CDS1: variants seen among roughly 807,000 people sequenced by gnomAD.
The protein encoded by CDS1 is CDP-diacylglycerol synthase 1, also known as phosphatidate cytidylyltransferase 1.
CDS1 carries 41 observed loss-of-function variants against 62.1 expected under a neutral mutation model. The ratio of observed to expected loss-of-function variants is 0.66; its 90% CI spans 0.51 to 0.86. The LOEUF (loss-of-function observed/expected upper bound fraction) is 0.86, where lower values mean the gene tolerates loss of function less well. Among genes scored for constraint, CDS1 ranks in the 40% least tolerant of loss-of-function variants. The pLI, the probability that CDS1 is intolerant of heterozygous loss-of-function variation, is 0.00. For synonymous variants in CDS1, 185 were observed against 192.6 expected (o/e 0.96, Z 0.32); for missense variants, 470 against 550.1 (o/e 0.85, Z 1.46).
At chr4:84,638,039 AT>A (rs1034981701) in intron 8 of CDS1, among the ~76,000 whole-genome samples, 1 of 152,196 alleles carries the variant, frequency 6.6e-6, no homozygotes, top group Admixed American at 6.5e-5. Context: ...CCCATAACCC[AT>A]TTTAATACTT....
intron 3 of CDS1, among the ~76,000 whole-genome samples, chr4:84,613,935 T>A (rs1723410719): frequency 6.6e-6 from 1 of 152,334 alleles, no homozygotes; most frequent in African/African-American, 2.4e-5. Flanking sequence ...GTGATCAAAT[T>A]ACTTTGGAAA....
chr4:84,635,173 G>A, intron 7 of CDS1, 91 bp from the exon 8 acceptor site: 2 of 664,340 alleles, frequency 3.0e-6, no homozygotes, highest in Non-Finnish European at 5.2e-6. Context: ...TTATTCTGAT[G>A]GTTCATTATG....
At chr4:84,640,278 G>A (rs1175418758) in intron 9 of CDS1, among the ~76,000 whole-genome samples, 2 of 151,398 alleles carry the variant, frequency 1.3e-5, no homozygotes, top group South Asian at 2.1e-4. Flanking sequence ...ATAATAGGGT[G>A]AATGGCTGCA....
intron 6 of CDS1, among the ~76,000 whole-genome samples, chr4:84,633,628 A>G (rs1329542696): frequency 5.3e-5 from 8 of 152,172 alleles, no homozygotes; most frequent in East Asian, 1.9e-4. Context: ...TTAGAATTCT[A>G]TTTATATATA....
chr4:84,619,044 T>TACACACACACACACACAC (rs33991933), intron 4 of CDS1, among the ~76,000 whole-genome samples: 30 of 140,992 alleles, frequency 2.1e-4, no homozygotes, highest in Admixed American at 4.3e-4. Context: ...ATTAAATTTA[T>TACACACACACACACACAC]ACACACACAC....
chr4:84,584,502 A>G (rs891015133), intron 1 of CDS1, among the ~76,000 whole-genome samples: 2 of 152,228 alleles, frequency 1.3e-5, no homozygotes, highest in Admixed American at 6.5e-5. Context: ...CCCAAGGTCA[A>G]GTTCGTGGCT....
chr4:84,601,912 CAAAT>C (rs559097678), intron 1 of CDS1, among the ~76,000 whole-genome samples: 234 of 148,692 alleles, frequency 1.6e-3, no homozygotes, highest in African/African-American at 5.6e-3. Flanking sequence ...GACTCCATCT[CAAAT>C]AAATAAATAC....
At chr4:84,628,895 G>T (rs1723935341) in intron 5 of CDS1, among the ~76,000 whole-genome samples, 1 of 152,016 alleles carries the variant, frequency 6.6e-6, no homozygotes, top group Non-Finnish European at 1.5e-5. Context: ...TCTGCTTAAT[G>T]ACTGGAGAAC....
At chr4:84,621,248 C>G (rs902918723) in intron 5 of CDS1, among the ~76,000 whole-genome samples, 6 of 152,140 alleles carry the variant, frequency 3.9e-5, no homozygotes, top group African/African-American at 1.4e-4. Flanking sequence ...ATTGTTTTAG[C>G]TCCTAGGAGT....
intron 10 of CDS1, among the ~76,000 whole-genome samples, chr4:84,642,479 CCTTTATGATTGTCTCCCCAAAT>C (rs1222565251): frequency 6.6e-6 from 1 of 152,148 alleles, no homozygotes; most frequent in African/African-American, 2.4e-5. Context: ...TTCTTCTCAG[CCTTTATGATTGTCTCCCCAAAT>C]CTTTAGTGAT....
At chr4:84,602,235 C>T (rs1484312067) in intron 1 of CDS1, among the ~76,000 whole-genome samples, 1 of 152,054 alleles carries the variant, frequency 6.6e-6, no homozygotes, top group African/African-American at 2.4e-5. Flanking sequence ...ACTCCTGGTG[C>T]AATTTAAGTT....
chr4:84,589,815 T>G (rs1020536935), intron 1 of CDS1, among the ~76,000 whole-genome samples: 24 of 150,854 alleles, frequency 1.6e-4, no homozygotes, highest in East Asian at 5.9e-4. Flanking sequence ...GTCTTTTTTG[T>G]TTTGTTTTGT....
intron 12 of CDS1, 134 bp from the exon 13 acceptor site, chr4:84,648,423 T>G (rs771099103): frequency 3.2e-5 from 24 of 751,870 alleles, no homozygotes; most frequent in Non-Finnish European, 5.1e-5. Context: ...TGAGCTATTA[T>G]CAAGAGCTAT....
chr4:84,608,980 C>T (rs935968318), intron 2 of CDS1, among the ~76,000 whole-genome samples: 3 of 151,750 alleles, frequency 2.0e-5, no homozygotes, highest in Non-Finnish European at 4.4e-5. Flanking sequence ...AGATCGAGAC[C>T]ATCTTGGCTA....
At chr4:84,628,084 C>T (rs533366740) in intron 5 of CDS1, among the ~76,000 whole-genome samples, 20 of 152,130 alleles carry the variant, frequency 1.3e-4, no homozygotes, top group African/African-American at 4.8e-4. Context: ...GCACACAATG[C>T]AGTGTGATTT....
At chr4:84,624,405 G>A (rs1280895498) in intron 5 of CDS1, among the ~76,000 whole-genome samples, 2 of 150,866 alleles carry the variant, frequency 1.3e-5, no homozygotes, top group Admixed American at 1.3e-4. Flanking sequence ...CCTTACTTAC[G>A]ATATCTGGAG....
intron 5 of CDS1, among the ~76,000 whole-genome samples, chr4:84,622,251 G>GAACCC (rs1173392673): frequency 6.6e-6 from 1 of 152,058 alleles, no homozygotes; most frequent in Non-Finnish European, 1.5e-5. Flanking sequence ...TTCTGTTATT[G>GAACCC]AACCCAACAC....
At chr4:84,632,548 A>C (rs566605559) in intron 6 of CDS1, among the ~76,000 whole-genome samples, 25 of 152,190 alleles carry the variant, frequency 1.6e-4, no homozygotes, top group Non-Finnish European at 2.5e-4. Flanking sequence ...ATTCTGCTGA[A>C]CATAATTGCT....
At chr4:84,632,831 T>C (rs1168385875) in intron 6 of CDS1, among the ~76,000 whole-genome samples, 1 of 152,182 alleles carries the variant, frequency 6.6e-6, no homozygotes, top group Non-Finnish European at 1.5e-5. Context: ...TTATTAAGAA[T>C]AAATCAAAAG....
Sources: allele counts gnomAD v4.1 joint callset (sites outside exome capture counted in the v4.1 genomes callset), GRCh38; gene constraint gnomAD v4.1.1; transcripts MANE v1.5; gene names NCBI Gene and HGNC (gene_info 2026-07-23, HGNC 2026-07-21).